The following PACRG variants were observed in gnomAD, a reference collection of about 807,000 sequenced individuals.
The protein encoded by PACRG is parkin coregulated.
In PACRG, 29 loss-of-function variants were observed where a neutral mutation model predicts 29.7. The ratio of observed to expected loss-of-function variants is 0.98; its 90% CI spans 0.73 to 1.33. The LOEUF is 1.33. Ranked by LOEUF, PACRG falls within the 40% of genes most tolerant of loss-of-function variation. The probability of loss-of-function intolerance (pLI) is 0.00; values close to 1 mark genes in which losing one functional copy is unlikely to be tolerated. For synonymous variants in PACRG, 116 were observed against 118.7 expected, an observed-to-expected ratio of 0.98 and a Z score of 0.15; for missense variants, 279 against 316.2, an observed-to-expected ratio of 0.88 and a Z score of 0.89.
At chr6:163,220,435 C>G (rs1441867142) in intron 4 of PACRG, among the ~76,000 whole-genome samples, 1 of 152,148 alleles carries the variant, frequency 6.6e-6, no homozygotes, top group Admixed American at 6.5e-5. Context: ...CACACGCCCT[C>G]TCTCTCTCCA....
At chr6:162,804,330 G>C (rs565826801) in intron 1 of PACRG, among the ~76,000 whole-genome samples, 2 of 152,070 alleles carry the variant, frequency 1.3e-5, no homozygotes, top group Non-Finnish European at 2.9e-5. Flanking sequence ...CAGGTGCCCC[G>C]AATAATCCTT....
intron 2 of PACRG, among the ~76,000 whole-genome samples, chr6:162,887,759 C>T (rs1794457741): frequency 6.6e-6 from 1 of 152,116 alleles, no homozygotes; most frequent in Non-Finnish European, 1.5e-5. Flanking sequence ...TAGGTTGAGC[C>T]ATCAGACTGG....
intron 2 of PACRG, among the ~76,000 whole-genome samples, chr6:162,903,117 A>G (rs775942047): frequency 5.9e-5 from 9 of 152,146 alleles, no homozygotes; most frequent in Non-Finnish European, 1.2e-4. Context: ...CTAGGTCCTG[A>G]TAAAATTGGA....
At chr6:163,277,466 G>GGT (rs1344428132) in intron 4 of PACRG, among the ~76,000 whole-genome samples, 7 of 132,246 alleles carry the variant, frequency 5.3e-5, no homozygotes, top group South Asian at 5.1e-4. Flanking sequence ...AGTATCTCAT[G>GGT]GTGTGTGTGT....
At chr6:162,829,007 T>G (rs1584476942) in intron 2 of PACRG, among the ~76,000 whole-genome samples, 1 of 152,334 alleles carries the variant, frequency 6.6e-6, no homozygotes, top group African/African-American at 2.4e-5. Context: ...CATAAATATT[T>G]TGTGAGTTTA....
At chr6:163,007,771 T>G (rs1805252476) in intron 2 of PACRG, among the ~76,000 whole-genome samples, 1 of 152,172 alleles carries the variant, frequency 6.6e-6, no homozygotes, top group South Asian at 2.1e-4. Flanking sequence ...TGCTCCATTT[T>G]GGTCAGAGGT....
At chr6:163,131,029 C>T (rs539023815) in intron 4 of PACRG, among the ~76,000 whole-genome samples, 5 of 152,228 alleles carry the variant, frequency 3.3e-5, no homozygotes, top group South Asian at 2.1e-4. Flanking sequence ...TACAGTCGGC[C>T]GGGCGCAGTG....
intron 4 of PACRG, among the ~76,000 whole-genome samples, chr6:163,236,158 A>C (rs1782230345): frequency 6.6e-6 from 1 of 152,080 alleles, no homozygotes; most frequent in African/African-American, 2.4e-5. Context: ...TATGAACCTC[A>C]GGGTAAATCA....
chr6:163,065,022 A>C (rs910907689), intron 3 of PACRG, among the ~76,000 whole-genome samples: 1 of 152,146 alleles, frequency 6.6e-6, no homozygotes, highest in Admixed American at 6.5e-5. Context: ...TGGGGTTTCT[A>C]ATATGATAAC....
intron 1 of PACRG, among the ~76,000 whole-genome samples, chr6:162,787,584 A>ATCTATATC (rs1481893475): frequency 1.1e-4 from 2 of 17,490 alleles, no homozygotes; most frequent in Admixed American, 6.8e-4. Flanking sequence ...GTGTGTGTGT[A>ATCTATATC]TATATATATA....
At chr6:163,050,961 C>G (rs1033265153) in intron 2 of PACRG, among the ~76,000 whole-genome samples, 6 of 152,114 alleles carry the variant, frequency 3.9e-5, no homozygotes, top group African/African-American at 9.7e-5. Context: ...CTGTCCTTTC[C>G]TCTGGAGCTC....
At chr6:163,131,154 A>G (rs1419184389) in intron 4 of PACRG, among the ~76,000 whole-genome samples, 1 of 152,012 alleles carries the variant, frequency 6.6e-6, no homozygotes, top group Non-Finnish European at 1.5e-5. Context: ...AAAAAATACA[A>G]AAAATTATCC....
intron 2 of PACRG, among the ~76,000 whole-genome samples, chr6:162,961,625 A>G (rs1800625901): frequency 6.6e-6 from 1 of 151,788 alleles, no homozygotes; most frequent in South Asian, 2.1e-4. Context: ...TGATCTTCTC[A>G]TTTCCTCATT....
At chr6:162,923,688 G>A (rs1470527043) in intron 2 of PACRG, among the ~76,000 whole-genome samples, 3 of 151,904 alleles carry the variant, frequency 2.0e-5, no homozygotes, top group Non-Finnish European at 4.4e-5. Flanking sequence ...TTATTTCTGG[G>A]CTCTCTATTA....
At chr6:162,751,376 C>T (rs961580341) in intron 1 of PACRG, among the ~76,000 whole-genome samples, 1 of 152,074 alleles carries the variant, frequency 6.6e-6, no homozygotes. Flanking sequence ...TTCATGTTCC[C>T]ATTAGTCACT....
At chr6:162,730,271 A>G (rs986442006) in intron 1 of PACRG, among the ~76,000 whole-genome samples, 4 of 152,204 alleles carry the variant, frequency 2.6e-5, no homozygotes, top group African/African-American at 9.6e-5. Flanking sequence ...ACCAATATTT[A>G]CATTTCACCA....
chr6:162,834,929 C>A (rs1007347591), intron 2 of PACRG, among the ~76,000 whole-genome samples: 1 of 152,016 alleles, frequency 6.6e-6, no homozygotes. Flanking sequence ...ACTATTAAAT[C>A]CCCTTTATTT....
chr6:162,790,088 T>G (rs1441549100), intron 1 of PACRG, among the ~76,000 whole-genome samples: 1 of 152,190 alleles, frequency 6.6e-6, no homozygotes, highest in Non-Finnish European at 1.5e-5. Flanking sequence ...TTTCTAAAAG[T>G]AGCAAATTAT....
At chr6:162,727,545 T>G, upstream of PACRG, 1 of 1,177,630 alleles carries the variant, frequency 8.5e-7, no homozygotes, top group Non-Finnish European at 1.2e-6. Flanking sequence ...GCACGGGCAC[T>G]TTGGCCCCGT....
Sources: allele counts gnomAD v4.1 joint callset (sites outside exome capture counted in the v4.1 genomes callset), GRCh38; gene constraint gnomAD v4.1.1; transcripts MANE v1.5; gene names NCBI Gene and HGNC (gene_info 2026-07-23, HGNC 2026-07-21).